Variants in ITGAE observed in about 807,000 individuals in gnomAD.
ITGAE encodes integrin subunit alpha E.
In ITGAE, 99 loss-of-function variants were observed where a neutral mutation model predicts 136.5. That is an observed-to-expected ratio of 0.73 (90% CI 0.62 to 0.86). The LOEUF (loss-of-function observed/expected upper bound fraction) is 0.86. ITGAE is among the 40% of genes least tolerant of loss of function. The pLI is 0.00. For synonymous variants in ITGAE, 613 were observed against 591.8 expected (o/e 1.04, Z -0.52); for missense variants, 1,447 against 1,515.3 (o/e 0.95, Z 0.75).
intron 19 of ITGAE, among the ~76,000 whole-genome samples, chr17:3,741,134 G>C (rs2051577724): frequency 7.5e-6 from 1 of 133,516 alleles, no homozygotes; most frequent in Non-Finnish European, 1.5e-5. Context: ...CTGGAGTGCA[G>C]TGGCGCAATC....
In ITGAE at chr17:3,743,508, T is replaced by A; in HGVS notation, c.2429A>T (p.Glu810Val). Residue 810 changes from glutamate (E) to valine (V), a missense_variant, in exon 19 of 31, where the codon GAG becomes GTG. Physicochemically the swap from Glu to Val is moderately radical, Grantham distance 121. Transcript: ENST00000263087. ...HPQPILDRYT[E>V]PFAIFQLPYE... ...AGTCACCTGGAAGATGGCAAAGGGC[T>A]CAGTGTAGCGGTCCAGGATGGGCTG... 6.2e-7 allele frequency: 1 copy of A among 1,601,208 alleles called. No individual in the cohort carries two copies.
Position 3,750,379 on chromosome 17 carries a change from C to A in ITGAE, c.1997G>T (p.Gly666Val). Residue 666 changes from glycine (G) to valine (V), a missense_variant, in exon 16 of 31, where the codon GGC (glycine) becomes GTC (valine). Coordinates refer to ENST00000263087, the MANE Select transcript of ITGAE (RefSeq NM_002208.5). The part of the protein sequence containing the change: ...SGDGLADITV[G>V]TLGQAVVFRS... ...GAACACAACCGCCTGGCCCAGAGTG[C>A]CCACGGTGATGTCGGCAAGGCCGTC... is the stretch of plus-strand genomic sequence containing the variant. 6.2e-7 allele frequency: 1 copy of A among 1,614,118 alleles called. No homozygotes were observed. Among genetic ancestry groups the A allele is most frequent in the Non-Finnish European group, 8.5e-7 (1 of 1,180,024 alleles).
At chr17:3,771,103 A>G (rs1238369417) in intron 2 of ITGAE, among the ~76,000 whole-genome samples, 1 of 152,002 alleles carries the variant, frequency 6.6e-6, no homozygotes, top group Non-Finnish European at 1.5e-5. Flanking sequence ...GATTAAAAAA[A>G]AAAAAGAACA....
At chr17:3,725,203 G>C (rs368584603) in intron 26 of ITGAE, 1 of 1,613,994 alleles carries the variant, frequency 6.2e-7, no homozygotes, top group Non-Finnish European at 8.5e-7. Flanking sequence ...TGTTCAAACC[G>C]GCCTGTCATG....
At chr17:3,736,320 A>C (rs1329188933) in intron 20 of ITGAE, among the ~76,000 whole-genome samples, 1 of 152,140 alleles carries the variant, frequency 6.6e-6, no homozygotes, top group Non-Finnish European at 1.5e-5. Context: ...AAAATAAATA[A>C]ATAAATAAAT....
rs1457675726 is a variant in ITGAE at position 3,792,328 on chromosome 17, C to T, written c.34+8783G>A. The stretch of plus-strand genomic sequence containing the variant: ...GTAGAGGTGGGGTTTCACCATATTG[C>T]CCAGGCTGGTATTGAACTCCTCAGG... On this transcript the variant is annotated intron_variant, in intron 1 of 30. Coordinates refer to ENST00000263087, the MANE Select transcript of ITGAE (RefSeq NM_002208.5). Among the ~76,000 whole-genome samples the T allele has an allele frequency of 2.6e-5, 4 of 152,038 alleles. No individual in the cohort carries two copies. In the East Asian group the frequency reaches 7.7e-4, roughly 29 times the overall value.
chr17:3,743,705 CTTTT>C (rs34843140), intron 18 of ITGAE, 88 bp from the exon 19 acceptor site: 93 of 934,636 alleles, frequency 1.0e-4, no homozygotes, highest in Middle Eastern at 3.7e-4. Context: ...TTCTTTTTTT[CTTTT>C]TTTTTTTTTT....
chr17:3,776,505 G>A (rs1168499688), intron 2 of ITGAE, among the ~76,000 whole-genome samples: 1 of 152,198 alleles, frequency 6.6e-6, no homozygotes, highest in Non-Finnish European at 1.5e-5. Context: ...CAAATCCACG[G>A]TGAAGCTGCC....
chr17:3,732,988 G>A (rs567588392), intron 21 of ITGAE, among the ~76,000 whole-genome samples: 1 of 152,056 alleles, frequency 6.6e-6, no homozygotes, highest in East Asian at 1.9e-4. Flanking sequence ...TTTTGCTTTT[G>A]TTTTCATTTT....
chr17:3,778,287 C>T (rs958916749), intron 1 of ITGAE, among the ~76,000 whole-genome samples: 6 of 152,220 alleles, frequency 3.9e-5, no homozygotes, highest in South Asian at 2.1e-4. Flanking sequence ...GCTGGCCGCG[C>T]GCCAGTGGCT....
chr17:3,789,986 A>G (rs1301731790), intron 1 of ITGAE, among the ~76,000 whole-genome samples: 3 of 152,200 alleles, frequency 2.0e-5, no homozygotes, highest in Admixed American at 2.0e-4. Flanking sequence ...TCTAAATGAG[A>G]GTCTGATAGA....
rs115776004 is a variant in ITGAE, at chr17:3,767,523, G to A, written c.156-3563C>T. ...GCTGGAATTACAAGCATGAGCCACC[G>A]TGCCTGACTCTCCAAATTATTTCTA... On this transcript the variant is annotated intron_variant, in intron 2 of 30. Coordinates refer to ENST00000263087, the MANE Select transcript of ITGAE (RefSeq NM_002208.5). 5.8e-3 allele frequency among the ~76,000 whole-genome samples: 886 copies of A among 152,270 alleles called. 18 individuals carry two copies. Among genetic ancestry groups the A allele is most frequent in the African/African-American group, 0.02 (828 of 41,550 alleles).
chr17:3,742,518 G>A (rs979589221), intron 19 of ITGAE, among the ~76,000 whole-genome samples: 2 of 148,314 alleles, frequency 1.3e-5, no homozygotes, highest in South Asian at 2.2e-4. Context: ...GCAGTGGCAC[G>A]ATCTCGGTTC....
At chr17:3,783,738 G>A (rs906637379) in intron 1 of ITGAE, among the ~76,000 whole-genome samples, 2 of 152,160 alleles carry the variant, frequency 1.3e-5, no homozygotes, top group African/African-American at 2.4e-5. Flanking sequence ...TGAAGGACAA[G>A]TGTATAAACG....
At chr17:3,726,436 C>T in intron 26 of ITGAE, 1 of 731,352 alleles carries the variant, frequency 1.4e-6, no homozygotes, top group Non-Finnish European at 2.3e-6. Flanking sequence ...CCCATTCTCA[C>T]AGGTTTCCAG....
Position 3,757,766 on chromosome 17 carries a change from G to A in ITGAE, c.960C>T (p.Leu320=), listed in dbSNP as rs758204504. ...GGGAGTTGATGACTGTCGTAAGGTT[G>A]AGGGGGTCCTCGAATATGCCACCAT... ...LTDGGIFEDP[L]NLTTVINSPK... is the part of the protein sequence containing the mutation. Residue 320 remains leucine (L), a synonymous_variant, in exon 9 of 31, where the codon CTC becomes CTT. Transcript: ENST00000263087. 1.2e-6 allele frequency: 2 copies of A among 1,614,164 alleles called. No individual in the cohort carries two copies. Among genetic ancestry groups the A allele is most frequent in the Non-Finnish European group, 1.7e-6 (2 of 1,180,044 alleles).
intron 1 of ITGAE, among the ~76,000 whole-genome samples, chr17:3,787,214 C>T (rs1399734460): frequency 2.6e-5 from 4 of 151,376 alleles, no homozygotes; most frequent in Admixed American, 6.6e-5. Flanking sequence ...CTGGTTCAAG[C>T]GATTCTCCTG....
chr17:3,758,872 T>C (rs990353610), intron 8 of ITGAE, among the ~76,000 whole-genome samples: 2 of 150,156 alleles, frequency 1.3e-5, no homozygotes, highest in African/African-American at 2.4e-5. Context: ...ACGCCTGTAA[T>C]CCCAGCACTT....
chr17:3,728,330 A>G, intron 24 of ITGAE, 162 bp from the exon 25 acceptor site: 1 of 605,798 alleles, frequency 1.7e-6, no homozygotes, highest in Non-Finnish European at 3.0e-6. Context: ...AGCCTGGGAA[A>G]GTGTTGGGAT....
Sources: gnomAD v4.1 joint callset for allele counts (sites outside exome capture counted in the v4.1 genomes callset) on GRCh38, gnomAD v4.1.1 for gene constraint, MANE v1.5 for transcripts, NCBI Gene and HGNC (gene_info 2026-07-23, HGNC 2026-07-21) for gene names.